The following CFAP161 variants were observed in gnomAD, a reference collection of about 807,000 sequenced individuals.
CFAP161 encodes cilia- and flagella-associated protein 161.
CFAP161 carries 25 observed loss-of-function variants against 29.0 expected under a neutral mutation model. The observed-to-expected ratio is 0.86, with a 90% CI of 0.63 to 1.20. The LOEUF (loss-of-function observed/expected upper bound fraction) is 1.20, where lower values mean the gene tolerates loss of function less well. Among genes scored for constraint, CFAP161 ranks in the 50% most tolerant of loss-of-function variants. The probability of loss-of-function intolerance (pLI) is 0.00; values close to 1 mark genes in which losing one functional copy is unlikely to be tolerated. For missense variants in CFAP161, 367 were observed against 371.9 expected (o/e 0.99, Z 0.11); for synonymous variants, 116 against 137.4 (o/e 0.84, Z 1.09).
intron 4 of CFAP161, among the ~76,000 whole-genome samples, chr15:81,141,884 C>A (rs574759400): frequency 1.3e-5 from 2 of 152,198 alleles, no homozygotes; most frequent in South Asian, 4.2e-4. Flanking sequence ...AGGGTTTCAC[C>A]ATGTTGGCCA....
At chr15:81,127,884 A>G (rs1894660682) in intron 2 of CFAP161, among the ~76,000 whole-genome samples, 2 of 152,214 alleles carry the variant, frequency 1.3e-5, no homozygotes, top group African/African-American at 4.8e-5. Flanking sequence ...TTGCAATGGG[A>G]CTATGCATGC....
intron 1 of CFAP161, among the ~76,000 whole-genome samples, chr15:81,117,254 T>C (rs1489791537): frequency 1.3e-5 from 2 of 152,178 alleles, no homozygotes; most frequent in South Asian, 4.1e-4. Flanking sequence ...ATATATTCAG[T>C]GTTAAGATTT....
At position 81,143,651 on chromosome 15, in the gene CFAP161, G is replaced by C; in HGVS notation, c.478-11G>C. The C allele has an allele frequency of 6.2e-7, 1 of 1,606,602 alleles. No individual in the cohort carries two copies. The highest frequency in any genetic ancestry group is 1.7e-4 in the Middle Eastern group (1 of 6,030). On this transcript the variant is annotated splice_polypyrimidine_tract_variant and intron_variant, in intron 4 of 6. Transcript: ENST00000286732. ...CTCTGACTTAGTGCATCTGCTTGCT[G>C]TCATTTTCAGTTGTATTTGTCAAGT... is the stretch of plus-strand genomic sequence containing the variant.
intron 1 of CFAP161, among the ~76,000 whole-genome samples, chr15:81,103,273 C>T (rs1894324153): frequency 6.6e-6 from 1 of 152,178 alleles, no homozygotes; most frequent in African/African-American, 2.4e-5. Context: ...ACTCCCATAA[C>T]ACAAGTTACA....
intron 1 of CFAP161, among the ~76,000 whole-genome samples, chr15:81,100,959 A>G (rs1431304421): frequency 6.6e-6 from 1 of 152,172 alleles, no homozygotes; most frequent in Non-Finnish European, 1.5e-5. Flanking sequence ...TACTAGTTCA[A>G]TAACTTGGCC....
Position 81,143,638 on chromosome 15 carries a change from G to GCATCTGCTTGCTGA in CFAP161, c.478-11_478-10insACATCTGCTTGCTG, listed in dbSNP as rs760319045. The GCATCTGCTTGCTGA allele has an allele frequency of 4.1e-5, 66 of 1,602,610 alleles. No individual in the cohort carries two copies. The East Asian group carries it at 1.4e-3, about 34-fold the overall frequency. ...GCTTTTCACAGAGCTCTGACTTAGT[G>GCATCTGCTTGCTGA]CATCTGCTTGCTGTCATTTTCAGTT... On this transcript the variant is annotated intron_variant, in intron 4 of 6. Coordinates refer to ENST00000286732, the MANE Select transcript of CFAP161 (RefSeq NM_173528.4).
At chr15:81,147,779 G>T in intron 5 of CFAP161, 79 bp from the exon 6 acceptor site, 3 of 934,024 alleles carry the variant, frequency 3.2e-6, no homozygotes, top group Non-Finnish European at 4.7e-6. Flanking sequence ...CCAAATTTTT[G>T]CTTTTAGGTA....
At chr15:81,128,745 AG>A (rs1894672183) in intron 2 of CFAP161, among the ~76,000 whole-genome samples, 1 of 152,142 alleles carries the variant, frequency 6.6e-6, no homozygotes, top group South Asian at 2.1e-4. Flanking sequence ...CTTTCCAGAA[AG>A]TTTTCAATTT....
chr15:81,137,363 G>A (rs551795576), intron 3 of CFAP161, among the ~76,000 whole-genome samples: 67 of 152,298 alleles, frequency 4.4e-4, no homozygotes, highest in Admixed American at 2.4e-3. Flanking sequence ...GGGAAGTCAA[G>A]GCAGGCAGAT....
chr15:81,102,003 C>T (rs1345766177), intron 1 of CFAP161, among the ~76,000 whole-genome samples: 6 of 152,108 alleles, frequency 3.9e-5, no homozygotes, highest in East Asian at 1.9e-4. Flanking sequence ...CACTTGGAGA[C>T]GGCAAGTACC....
intron 1 of CFAP161, among the ~76,000 whole-genome samples, chr15:81,125,952 C>T (rs887431714): frequency 1.2e-4 from 18 of 152,132 alleles, no homozygotes; most frequent in Non-Finnish European, 2.4e-4. Context: ...TTACTGCAAC[C>T]TCCGTCTCCC....
At chr15:81,125,941 C>G (rs1014265650) in intron 1 of CFAP161, among the ~76,000 whole-genome samples, 4 of 152,188 alleles carry the variant, frequency 2.6e-5, no homozygotes, top group African/African-American at 7.2e-5. Flanking sequence ...ACAATCTCAG[C>G]TTACTGCAAC....
Position 81,138,058 on chromosome 15 carries a change from A to G in CFAP161, c.400A>G (p.Arg134Gly). 1 of 1,600,962 alleles carries G rather than the reference A, an allele frequency of 6.2e-7. No individual in the cohort carries two copies. The highest frequency in any genetic ancestry group is 1.1e-5 in the South Asian group (1 of 90,800). The part of the protein sequence containing the change: ...RNTFIILSVH[R>G]DATGQVLRYG... ...CTTATTGTCCACTGACAGTGTACAC[A>G]GAGATGCCACTGGTCAAGTCCTTAG... Residue 134 changes from arginine (R) to glycine (G), a missense_variant, in exon 4 of 7, where the codon AGA becomes GGA. Physicochemically the swap from Arg to Gly is moderately radical, Grantham distance 125. Coordinates refer to ENST00000286732, the MANE Select transcript of CFAP161 (RefSeq NM_173528.4).
chr15:81,147,836 C>A, intron 5 of CFAP161, 22 bp from the exon 6 acceptor site: 2 of 1,536,064 alleles, frequency 1.3e-6, no homozygotes, highest in Non-Finnish European at 1.8e-6. Flanking sequence ...ATGCTAATAA[C>A]ACATTTTCTT....
chr15:81,105,037 G>C (rs1004148832), intron 1 of CFAP161, among the ~76,000 whole-genome samples: 2 of 149,784 alleles, frequency 1.3e-5, no homozygotes, highest in Non-Finnish European at 1.5e-5. Context: ...GGCGATCCTT[G>C]ATGTTCCCTG....
chr15:81,126,245 C>T (rs1379090875), intron 1 of CFAP161, among the ~76,000 whole-genome samples: 3 of 152,194 alleles, frequency 2.0e-5, no homozygotes, highest in African/African-American at 7.2e-5. Context: ...CATTGCTAAA[C>T]TTTATTTGCC....
intron 1 of CFAP161, among the ~76,000 whole-genome samples, chr15:81,118,573 C>T (rs1894529995): frequency 6.6e-6 from 1 of 152,200 alleles, no homozygotes; most frequent in African/African-American, 2.4e-5. Context: ...CGCGCTAGTC[C>T]GCGGGGGGCT....
upstream of CFAP161, among the ~76,000 whole-genome samples, chr15:81,131,088 G>T (rs1381113587): frequency 6.7e-6 from 1 of 150,226 alleles, no homozygotes; most frequent in Non-Finnish European, 1.5e-5. Flanking sequence ...TGGAAAAATG[G>T]CTCCAACACA....
Position 81,106,654 on chromosome 15 carries a change from G to A in CFAP161, c.-141-20936G>A, listed in dbSNP as rs550092457. 7.9e-5 allele frequency among the ~76,000 whole-genome samples: 12 copies of A among 152,300 alleles called. No homozygotes were observed. In the South Asian group the frequency reaches 1.9e-3, roughly 24 times the overall value. ...GTCACAAATCAGAAGCTGTACCCAC[G>A]AATTGCCACATGAGGGCACACTTGC... is the stretch of plus-strand genomic sequence containing the variant. On this transcript the variant is annotated intron_variant, in intron 1 of 4. Coordinates refer to the CFAP161 transcript ENST00000560091.
Sources: allele counts gnomAD v4.1 joint callset (sites outside exome capture counted in the v4.1 genomes callset), GRCh38; gene constraint gnomAD v4.1.1; transcripts MANE v1.5; gene names NCBI Gene and HGNC (gene_info 2026-07-23, HGNC 2026-07-21).